Variants in PRIM2 observed in about 807,000 individuals in gnomAD.
PRIM2 encodes the protein DNA primase subunit 2.
PRIM2 carries 39 observed loss-of-function variants against 67.3 expected under a neutral mutation model. The observed-to-expected ratio is 0.58, with a 90% CI of 0.45 to 0.76. PRIM2 has a LOEUF of 0.76. PRIM2 is among the 30% of genes least tolerant of loss of function. The pLI is 0.00. For synonymous variants in PRIM2, 143 were observed against 198.7 expected (o/e 0.72, Z 2.36); for missense variants, 398 against 598.7 (o/e 0.66, Z 3.50).
the PRIM2 span, among the ~76,000 whole-genome samples, chr6:57,297,144 G>T: frequency 6.6e-6 from 1 of 152,040 alleles, no homozygotes; most frequent in South Asian, 2.1e-4. Context: ...GAGAAGAAGT[G>T]ACGGAAATAG....
chr6:57,314,330 C>G (rs767208009), upstream of PRIM2, among the ~76,000 whole-genome samples: 1 of 152,158 alleles, frequency 6.6e-6, no homozygotes, highest in East Asian at 1.9e-4. Flanking sequence ...GCCTGGCCAA[C>G]GTGGTGAAAC....
intron 7 of PRIM2, among the ~76,000 whole-genome samples, chr6:57,493,163 T>C (rs1554346125): frequency 0.03 from 4,514 of 152,240 alleles, 231 homozygotes; most frequent in African/African-American, 0.1. Flanking sequence ...TTATTCTTGC[T>C]CCTATTAGTG....
At chr6:57,233,910 G>A in the PRIM2 span, among the ~76,000 whole-genome samples, 15 of 152,028 alleles carry the variant, frequency 9.9e-5, no homozygotes, top group African/African-American at 2.9e-4. Context: ...TGATCCTCCC[G>A]CCTTGGCCTC....
In PRIM2 at chr6:57,540,851, G is replaced by A. The variant is rs1221191298; in HGVS notation, c.1020+3226G>A. On this transcript the variant is annotated intron_variant, in intron 10 of 13. Coordinates refer to ENST00000615550, the MANE Select transcript of PRIM2 (RefSeq NM_000947.5). ...AGCCCCACCCTGTTGCTACTGTGGT[G>A]AGCCTATAAGTGTTGCAAGTATCTG... 6.6e-5 allele frequency among the ~76,000 whole-genome samples: 10 copies of A among 152,340 alleles called. No individual in the cohort carries two copies. The East Asian group carries it at 1.9e-3, about 29-fold the overall frequency.
At chr6:57,589,972 A>T (rs1776258382) in intron 10 of PRIM2, among the ~76,000 whole-genome samples, 1 of 152,150 alleles carries the variant, frequency 6.6e-6, no homozygotes, top group South Asian at 2.1e-4. Flanking sequence ...ATCCAGGAAG[A>T]ATTTTCCAGC....
intron 10 of PRIM2, among the ~76,000 whole-genome samples, chr6:57,582,111 G>C (rs1158107595): frequency 0.39 from 59,521 of 152,030 alleles, 11,936 homozygotes; most frequent in East Asian, 0.67. Flanking sequence ...AGGTGGGAGC[G>C]ACCATGCCTG....
chr6:57,607,113 C>A (rs1200897037), intron 12 of PRIM2, among the ~76,000 whole-genome samples: 1 of 152,174 alleles, frequency 6.6e-6, no homozygotes, highest in Non-Finnish European at 1.5e-5. Flanking sequence ...AGGGGAAGAG[C>A]TTCTGCTTCC....
At chr6:57,416,132 T>TA (rs796071046) in intron 7 of PRIM2, among the ~76,000 whole-genome samples, 81 of 152,326 alleles carry the variant, frequency 5.3e-4, no homozygotes, top group African/African-American at 7.2e-4. Context: ...GCTCTAGTCT[T>TA]ACAAAATGTA....
At chr6:57,499,796 C>T (rs1554346681) in intron 7 of PRIM2, among the ~76,000 whole-genome samples, 70 of 152,312 alleles carry the variant, frequency 4.6e-4, no homozygotes, top group African/African-American at 1.7e-3. Context: ...AATGAACCCT[C>T]AACAGTGCTC....
chr6:57,638,163 G>T (rs1413983072), intron 13 of PRIM2, among the ~76,000 whole-genome samples: 1 of 152,134 alleles, frequency 6.6e-6, no homozygotes, highest in Non-Finnish European at 1.5e-5. Flanking sequence ...CTTCATAAGC[G>T]AAGGAGAAAT....
intron 13 of PRIM2, among the ~76,000 whole-genome samples, chr6:57,638,279 C>T (rs1390347250): frequency 6.6e-6 from 1 of 152,090 alleles, no homozygotes; most frequent in African/African-American, 2.4e-5. Flanking sequence ...ACAACTGGTA[C>T]CAGCAACTGC....
the PRIM2 span, among the ~76,000 whole-genome samples, chr6:57,247,731 G>A: frequency 1.3e-5 from 2 of 152,138 alleles, no homozygotes; most frequent in Admixed American, 6.5e-5. Context: ...AAAGAATCTT[G>A]AGGTTTCCTT....
intron 7 of PRIM2, among the ~76,000 whole-genome samples, chr6:57,486,403 A>G (rs1226950826): frequency 2.0e-5 from 3 of 152,266 alleles, no homozygotes; most frequent in Non-Finnish European, 4.4e-5. Context: ...AGACTTATTC[A>G]AGGAAATAGT....
intron 12 of PRIM2, among the ~76,000 whole-genome samples, chr6:57,617,677 G>C (rs1776778844): frequency 6.6e-6 from 1 of 152,068 alleles, no homozygotes; most frequent in Non-Finnish European, 1.5e-5. Context: ...TATATGATTT[G>C]CAAATATGTT....
At chr6:57,355,640 C>A (rs1208023302) in intron 5 of PRIM2, among the ~76,000 whole-genome samples, 1 of 152,070 alleles carries the variant, frequency 6.6e-6, no homozygotes, top group Non-Finnish European at 1.5e-5. Context: ...AAGGCAGAAA[C>A]TGCATTACTT....
chr6:57,328,788 A>G (rs1340790501), intron 5 of PRIM2, among the ~76,000 whole-genome samples: 1 of 152,208 alleles, frequency 6.6e-6, no homozygotes, highest in Admixed American at 6.5e-5. Context: ...CCAGCAGTGG[A>G]TGAGGGTTCC....
At chr6:57,304,687 T>G in the PRIM2 span, among the ~76,000 whole-genome samples, 1 of 152,070 alleles carries the variant, frequency 6.6e-6, no homozygotes, top group African/African-American at 2.4e-5. Flanking sequence ...GCATTTGATC[T>G]GGGGCTGTTC....
intron 7 of PRIM2, among the ~76,000 whole-genome samples, chr6:57,456,192 G>A (rs1245875118): frequency 2.5e-4 from 38 of 152,220 alleles, no homozygotes; most frequent in Admixed American, 9.8e-4. Context: ...TGGGTAACCC[G>A]ACCTTTCTCT....
At chr6:57,309,089 C>T in the PRIM2 span, among the ~76,000 whole-genome samples, 9 of 151,062 alleles carry the variant, frequency 6.0e-5, 1 homozygote, top group Admixed American at 6.6e-5. Context: ...CTGCGGCCTT[C>T]GGCCCTGTTT....
Sources: gnomAD v4.1 joint callset for allele counts (sites outside exome capture counted in the v4.1 genomes callset) on GRCh38, gnomAD v4.1.1 for gene constraint, MANE v1.5 for transcripts, NCBI Gene and HGNC (gene_info 2026-07-23, HGNC 2026-07-21) for gene names.